CANT1: variants seen among roughly 807,000 people sequenced by gnomAD.
CANT1 encodes the protein soluble calcium-activated nucleotidase 1.
CANT1 carries 26 observed loss-of-function variants against 30.0 expected under a neutral mutation model. The ratio of observed to expected loss-of-function variants is 0.87; its 90% confidence interval spans 0.64 to 1.20. CANT1 has a LOEUF of 1.20. Among genes scored for constraint, CANT1 ranks in the 50% most tolerant of loss-of-function variants. CANT1 has a pLI of 0.00. For synonymous variants in CANT1, 246 were observed against 251.8 expected, an observed-to-expected ratio of 0.98 and a Z score of 0.22; for missense variants, 518 against 563.0, an observed-to-expected ratio of 0.92 and a Z score of 0.81.
At position 78,998,064 on chromosome 17, in the gene CANT1, T is replaced by C. The variant is rs1350164270; in HGVS notation, c.-146-101A>G. 1.8e-4 allele frequency: 36 copies of C among 200,544 alleles called. No individual in the cohort carries two copies. In the East Asian group the frequency reaches 2.9e-3, roughly 16 times the overall value. The allele number at this position is 200,544 out of a possible 1,614,324, so 12.4% of individuals were successfully genotyped here. On this transcript the variant is annotated intron_variant, in intron 1 of 4. Transcript: ENST00000392446. The surrounding 1 kb of genome is among the most constrained non-coding windows in gnomAD (Gnocchi z 4.5). ...GGTACAGGTCTGTATTTTACTCAAA[T>C]GCCACCTCATCCAGGAAGCCCTCCC...
chr17:78,991,755 G>A lies in CANT1; in HGVS notation c.*1795C>T, dbSNP rs1300042696. 4.6e-6 allele frequency: 1 copy of A among 216,274 alleles called. No individual in the cohort carries two copies. The highest frequency in any genetic ancestry group is 2.3e-5 in the African/African-American group (1 of 44,358). The allele number at this position is 216,274 out of a possible 1,614,324, so 13.4% of individuals were successfully genotyped here. A position where few individuals can be genotyped will look rare whatever the true frequency, so the allele number is the denominator to read the frequency against. On this transcript the variant is annotated 3_prime_UTR_variant, in exon 5 of 5. Transcript: ENST00000392446. The stretch of plus-strand genomic sequence containing the variant: ...CGCTTTATTGTTTACAAAACAGATG[G>A]ATCCCATAGGGAAGGAACACAATCA...
In CANT1 at chr17:79,002,148, G is replaced by A. The variant is rs927403137; in HGVS notation, c.-146-4185C>T. ...CGTAAACTTTCTTAAAACATGATGA[G>A]ATGAGATTTTTTGTTAAGCTCATCA... On this transcript the variant is annotated intron_variant, in intron 1 of 4. Coordinates refer to ENST00000392446, the MANE Select transcript of CANT1 (RefSeq NM_001159773.2). This position sits in a 1 kb window ranked among gnomAD's most constrained non-coding sequence, Gnocchi z 4.0. Among the ~76,000 whole-genome samples the A allele has an allele frequency of 1.3e-5, 2 of 152,172 alleles. No individual in the cohort carries two copies. Among genetic ancestry groups the A allele is most frequent in the South Asian group, 4.1e-4 (2 of 4,828 alleles).
Position 78,993,185 on chromosome 17 carries a change from G to A in CANT1, c.*365C>T. On this transcript the variant is annotated 3_prime_UTR_variant, in exon 5 of 5. Transcript: ENST00000392446. The surrounding 1 kb of genome is among the most constrained non-coding windows in gnomAD (Gnocchi z 4.5). ...ACCTCATGCTCACTGCGTTCTCAGG[G>A]TGAGGCATAGGGCCTGACATATGGT... is the stretch of plus-strand genomic sequence containing the variant. 5.1e-6 allele frequency: 2 copies of A among 391,652 alleles called. No homozygotes were observed. Among genetic ancestry groups the A allele is most frequent in the South Asian group, 2.9e-5 (1 of 34,654 alleles). The allele number at this position is 391,652 out of a possible 1,614,324, so 24.3% of individuals were successfully genotyped here.
chr17:78,999,054 C>T (rs959652689), intron 1 of CANT1, among the ~76,000 whole-genome samples: 1 of 152,162 alleles, frequency 6.6e-6, no homozygotes, highest in Non-Finnish European at 1.5e-5. Flanking sequence ...CTTCTCCACG[C>T]CGCAGCCTGC....
At chr17:79,003,967 T>C (rs1332276928) in intron 1 of CANT1, among the ~76,000 whole-genome samples, 2 of 30,488 alleles carry the variant, frequency 6.6e-5, no homozygotes, top group Non-Finnish European at 1.2e-4. Flanking sequence ...GAGTAGGGAG[T>C]TGGGGGGGAG....
In CANT1 at chr17:78,997,746, A is replaced by C. The variant is rs867691817; in HGVS notation, c.-23+94T>G. ...CGCTGGAGGCTGACTTTTCCAGAAG[A>C]AACAGTATTTCACTACTCTGTGGCC... On this transcript the variant is annotated intron_variant, in intron 2 of 4. Transcript: ENST00000392446. This position sits in a 1 kb window ranked among gnomAD's most constrained non-coding sequence, Gnocchi z 7.5. 126 of 1,053,522 alleles carry C rather than the reference A, an allele frequency of 1.2e-4. No individual in the cohort carries two copies. The Middle Eastern group carries it at 4.6e-3, about 39-fold the overall frequency. 65.3% of individuals were successfully genotyped at this position (1,053,522 alleles called of 1,614,324 possible).
chr17:78,994,404 C>A (rs556209741), intron 4 of CANT1, among the ~76,000 whole-genome samples: 2 of 152,338 alleles, frequency 1.3e-5, no homozygotes, highest in Non-Finnish European at 1.5e-5. Flanking sequence ...GTGCTGCTGG[C>A]CCTATGTTGG....
Position 78,996,854 on chromosome 17 carries a change from C to A in CANT1, c.631+138G>T. The A allele has an allele frequency of 8.2e-7, 1 of 1,224,036 alleles. No homozygotes were observed. The highest frequency in any genetic ancestry group is 1.2e-6 in the Non-Finnish European group (1 of 839,178). 75.8% of individuals were successfully genotyped at this position (1,224,036 alleles called of 1,614,324 possible). ...AGGGTAAGGGGGCCGCAGGTCAGAG[C>A]AAGAGGGAGACGTGCTCCCTCACCA... On this transcript the variant is annotated intron_variant, in intron 3 of 4. Transcript: ENST00000392446. The surrounding 1 kb of genome is among the most constrained non-coding windows in gnomAD (Gnocchi z 5.1).
At position 78,992,729 on chromosome 17, in the gene CANT1, G is replaced by GCCGCCA; in HGVS notation, c.*815_*820dup. ...CCGACATGTGAGACTTGCTTCACCA[G>GCCGCCA]CCGCCACCGCTTCCTTACAATCTCC... On this transcript the variant is annotated 3_prime_UTR_variant, in exon 5 of 5. Transcript: ENST00000392446. 2 of 596,512 alleles carry GCCGCCA rather than the reference G, an allele frequency of 3.4e-6. No individual in the cohort carries two copies. Among genetic ancestry groups the GCCGCCA allele is most frequent in the African/African-American group, 1.8e-5 (1 of 55,820 alleles). 37.0% of individuals were successfully genotyped at this position (596,512 alleles called of 1,614,324 possible). A position where few individuals can be genotyped will look rare whatever the true frequency, so the allele number is the denominator to read the frequency against.
At chr17:78,994,173 C>T (rs915375546) in intron 4 of CANT1, among the ~76,000 whole-genome samples, 2 of 152,054 alleles carry the variant, frequency 1.3e-5, no homozygotes, top group African/African-American at 4.8e-5. Flanking sequence ...TGAGCTGCAT[C>T]AGGGATTTGG....
rs568852448 is a variant in CANT1, at chr17:78,993,403, A to C, written c.*147T>G. ...TGGGGCCCGGGGGTCCAGTGCCCGC[A>C]CCACTATGGGGCCCGGGACTGGGCT... On this transcript the variant is annotated 3_prime_UTR_variant, in exon 5 of 5. Transcript: ENST00000392446. The surrounding 1 kb of genome is among the most constrained non-coding windows in gnomAD (Gnocchi z 4.5). The C allele has an allele frequency of 1.7e-4, 210 of 1,201,170 alleles. 1 individual carries two copies. In the South Asian group the frequency reaches 2.6e-3, roughly 15 times the overall value. 74.4% of individuals were successfully genotyped at this position (1,201,170 alleles called of 1,614,324 possible).
chr17:78,997,494 C>A lies in CANT1; in HGVS notation c.129G>T (p.Trp43Cys). The change falls in exon 3 of 5, where the codon TGG (tryptophan) becomes TGT (cysteine). Residue 43 changes from tryptophan (W) to cysteine (C), a missense_variant. Trp to Cys is a radical substitution (Grantham distance 215, BLOSUM62 -2). This residue lies in a region of CANT1 where 249 missense variants were observed against 268.8 expected (regional missense o/e 0.93). Transcript: ENST00000392446. The surrounding 1 kb of genome is among the most constrained non-coding windows in gnomAD (Gnocchi z 7.5). Reference sequence around the variant, plus strand: ...CCACAAAGAACGTCAGGATCACCTTCCAGCGGGGGCGGAAGCGGGGGTCCG... The same window carrying A: ...CCACAAAGAACGTCAGGATCACCTTACAGCGGGGGCGGAAGCGGGGGTCCG... ...KAADPRFRPR[W>C]KVILTFFVGA... The A allele has an allele frequency of 6.3e-7, 1 of 1,581,068 alleles. No homozygotes were observed. Among genetic ancestry groups the A allele is most frequent in the Non-Finnish European group, 8.6e-7 (1 of 1,161,944 alleles).
At chr17:78,994,034 G>T in intron 4 of CANT1, 114 bp from the exon 5 acceptor site, 1 of 1,383,168 alleles carries the variant, frequency 7.2e-7, no homozygotes, top group Non-Finnish European at 9.6e-7. Context: ...GGGCCCACCA[G>T]CTCACAGCAA....
At position 79,002,327 on chromosome 17, in the gene CANT1, G is replaced by A. The variant is rs1599238802; in HGVS notation, c.-146-4364C>T. On this transcript the variant is annotated intron_variant, in intron 1 of 4. Transcript: ENST00000392446. This position sits in a 1 kb window ranked among gnomAD's most constrained non-coding sequence, Gnocchi z 4.0. ...TTACTTCCCGGAGCCATGCTGATGG[G>A]GTTAGAGAACTGTGCACAGGGGCTG... 6.6e-6 allele frequency among the ~76,000 whole-genome samples: 1 copy of A among 152,086 alleles called. No homozygotes were observed. Among genetic ancestry groups the A allele is most frequent in the Non-Finnish European group, 1.5e-5 (1 of 67,998 alleles).
chr17:79,000,335 C>T (rs1198345753), intron 1 of CANT1: 1 of 152,482 alleles, frequency 6.6e-6, no homozygotes, highest in African/African-American at 2.4e-5. Context: ...TGACTGGCCT[C>T]ATCCTCCGTC....
intron 1 of CANT1, among the ~76,000 whole-genome samples, chr17:78,999,810 C>T (rs1008431319): frequency 3.4e-4 from 51 of 152,086 alleles, no homozygotes; most frequent in African/African-American, 1.1e-3. Context: ...TGCACCACCA[C>T]GCCCGTCTAA....
Position 78,997,152 on chromosome 17 carries a change from G to C in CANT1, c.471C>G (p.His157Gln), listed in dbSNP as rs769680184. The C allele has an allele frequency of 6.2e-7, 1 of 1,614,130 alleles. No individual in the cohort carries two copies. The highest frequency in any genetic ancestry group is 8.5e-7 in the Non-Finnish European group (1 of 1,180,058). Residue 157 changes from histidine (H) to glutamine (Q), a missense_variant, in exon 3 of 5, where the codon CAC becomes CAG. Around this residue, in one of 3 missense-constraint regions of CANT1, gnomAD observed 249 missense variants for 268.8 expected, o/e 0.93. Transcript: ENST00000392446. This position sits in a 1 kb window ranked among gnomAD's most constrained non-coding sequence, Gnocchi z 7.5. ...CCATGCCTCTCCCCTTCTCCGCCAG[G>C]TGGGACTCCAGGACCCCATGGTCTT... ...WDKDHGVLES[H>Q]LAEKGRGMEL... is the part of the protein sequence containing the mutation.
rs927237383 is a variant in CANT1, at chr17:78,997,725, G to A, written c.-22-81C>T. 21 of 1,274,716 alleles carry A rather than the reference G, an allele frequency of 1.6e-5. No individual in the cohort carries two copies. The Admixed American group carries it at 1.7e-4, about 11-fold the overall frequency. 79.0% of individuals were successfully genotyped at this position (1,274,716 alleles called of 1,614,324 possible). On this transcript the variant is annotated intron_variant, in intron 2 of 4. Transcript: ENST00000392446. This position sits in a 1 kb window ranked among gnomAD's most constrained non-coding sequence, Gnocchi z 7.5. ...CTTAGTTCCGGAAGCTGCAGGCGCT[G>A]GAGGCTGACTTTTCCAGAAGAAACA...
In CANT1 at chr17:79,008,504, T is replaced by C. The variant is rs2071629609; in HGVS notation, c.-147+1160A>G. On this transcript the variant is annotated intron_variant, in intron 1 of 4. Transcript: ENST00000392446. The surrounding 1 kb of genome is among the most constrained non-coding windows in gnomAD (Gnocchi z 4.4). Reference sequence around the variant, plus strand: ...CAAGAGCCTCACATTTCCAAACCTCTGCTTTGTTGAAAATGTGGTAGGAAA... The same window carrying C: ...CAAGAGCCTCACATTTCCAAACCTCCGCTTTGTTGAAAATGTGGTAGGAAA... Among the ~76,000 whole-genome samples the C allele has an allele frequency of 6.6e-6, 1 of 152,150 alleles. No individual in the cohort carries two copies. The highest frequency in any genetic ancestry group is 2.4e-5 in the African/African-American group (1 of 41,440).
Sources: allele counts gnomAD v4.1 joint callset (sites outside exome capture counted in the v4.1 genomes callset), GRCh38; gene constraint gnomAD v4.1.1; regional missense constraint gnomAD v4.1.1; non-coding constraint Gnocchi (gnomAD v3.1); transcripts MANE v1.5; gene names NCBI Gene and HGNC (gene_info 2026-07-23, HGNC 2026-07-21).